The following ATRNL1 variants were observed in gnomAD, a reference collection of about 807,000 sequenced individuals.
ATRNL1 encodes attractin-like protein 1.
Under a neutral mutation model 182.7 loss-of-function variants are expected in ATRNL1, and 95 were observed. The observed-to-expected ratio is 0.52, with a 90% CI of 0.44 to 0.62. The LOEUF is 0.62. Ranked by LOEUF, ATRNL1 falls within the 20% of genes least tolerant of loss-of-function variation. The pLI, the probability that ATRNL1 is intolerant of heterozygous loss-of-function variation, is 0.00. For synonymous variants in ATRNL1, 576 were observed against 568.3 expected (o/e 1.01, Z -0.19); for missense variants, 1,471 against 1,679.5 (o/e 0.88, Z 2.17).
chr10:115,383,007 TAGAG>T (rs782577775), intron 19 of ATRNL1, among the ~76,000 whole-genome samples: 1 of 151,958 alleles, frequency 6.6e-6, no homozygotes, highest in Non-Finnish European at 1.5e-5. Context: ...TTAATAGAAA[TAGAG>T]AGGAAGTTCT....
intron 23 of ATRNL1, 68 bp from the exon 24 acceptor site, chr10:115,469,102 CTA>C: frequency 1.8e-6 from 1 of 543,786 alleles, no homozygotes; most frequent in Non-Finnish European, 2.8e-6. Context: ...TTATAAAAAA[CTA>C]TAATATGCAT....
intron 20 of ATRNL1, among the ~76,000 whole-genome samples, chr10:115,405,117 G>A (rs1477628582): frequency 6.6e-6 from 1 of 152,064 alleles, no homozygotes; most frequent in Non-Finnish European, 1.5e-5. Context: ...GAAAGAGACA[G>A]CACTTTAAGC....
intron 8 of ATRNL1, among the ~76,000 whole-genome samples, chr10:115,203,577 CTTTTT>C (rs34988501): frequency 8.2e-6 from 1 of 122,396 alleles, no homozygotes; most frequent in Admixed American, 8.4e-5. Flanking sequence ...ATTGGGCCAC[CTTTTT>C]TTTTTTTTTT....
chr10:115,133,426 C>T (rs1286130669), intron 5 of ATRNL1, among the ~76,000 whole-genome samples: 3 of 151,976 alleles, frequency 2.0e-5, no homozygotes, highest in Non-Finnish European at 1.5e-5. Context: ...GACTTTAAAC[C>T]AACAAACATC....
chr10:115,371,169 A>G (rs1471452347), intron 19 of ATRNL1, among the ~76,000 whole-genome samples: 1 of 152,194 alleles, frequency 6.6e-6, no homozygotes, highest in African/African-American at 2.4e-5. Context: ...TCCAGGCAGA[A>G]GTTCACTTCA....
chr10:115,882,048 C>A (rs1422636794), intron 28 of ATRNL1, among the ~76,000 whole-genome samples: 1 of 152,160 alleles, frequency 6.6e-6, no homozygotes, highest in Non-Finnish European at 1.5e-5. Flanking sequence ...TACTTATTTC[C>A]CCAGCCTTGG....
chr10:115,380,967 G>A (rs1168164128), intron 19 of ATRNL1, among the ~76,000 whole-genome samples: 2 of 152,114 alleles, frequency 1.3e-5, no homozygotes, highest in African/African-American at 4.8e-5. Context: ...CTACCAAATT[G>A]TTTCCAAGAA....
chr10:115,379,568 G>A (rs1554950496), intron 19 of ATRNL1, among the ~76,000 whole-genome samples: 2 of 152,122 alleles, frequency 1.3e-5, no homozygotes, highest in African/African-American at 4.8e-5. Context: ...GTGTAACTCT[G>A]AATATGACAG....
intron 25 of ATRNL1, among the ~76,000 whole-genome samples, chr10:115,525,990 C>A (rs557720840): frequency 1.0e-3 from 156 of 152,230 alleles, no homozygotes; most frequent in Non-Finnish European, 1.9e-3. Context: ...TTTAATCCCC[C>A]TAATCAGTCT....
chr10:115,452,992 G>T (rs1241722500), intron 21 of ATRNL1, among the ~76,000 whole-genome samples: 4 of 152,018 alleles, frequency 2.6e-5, no homozygotes, highest in African/African-American at 9.7e-5. Flanking sequence ...ATGTTCTCCA[G>T]GTCTATCTAT....
intron 7 of ATRNL1, 47 bp from the exon 8 acceptor site, chr10:115,170,990 A>G (rs1554885369): frequency 8.7e-7 from 1 of 1,148,546 alleles, no homozygotes; most frequent in South Asian, 2.4e-5. Flanking sequence ...ATATGTGTTA[A>G]GATATAACAT....
At chr10:115,424,482 T>C (rs1014880999) in intron 20 of ATRNL1, among the ~76,000 whole-genome samples, 5 of 152,100 alleles carry the variant, frequency 3.3e-5, no homozygotes, top group Non-Finnish European at 7.4e-5. Flanking sequence ...ATCTGTACTC[T>C]TACTTTTATT....
intron 28 of ATRNL1, among the ~76,000 whole-genome samples, chr10:115,879,050 C>G (rs1189991574): frequency 9.6e-6 from 1 of 104,272 alleles, no homozygotes; most frequent in Admixed American, 1.1e-4. Context: ...CATTCACATA[C>G]TCATTTAAAT....
chr10:115,917,486 G>GGA (rs1555117664), intron 28 of ATRNL1, among the ~76,000 whole-genome samples: 8 of 131,304 alleles, frequency 6.1e-5, no homozygotes, highest in African/African-American at 2.2e-4. Flanking sequence ...AAAAAAAAAA[G>GGA]AAAAAAAAAA....
At chr10:115,759,897 G>C (rs1229361195) in intron 27 of ATRNL1, among the ~76,000 whole-genome samples, 3 of 107,144 alleles carry the variant, frequency 2.8e-5, no homozygotes, top group African/African-American at 1.1e-4. Context: ...GTTTCACCAT[G>C]TTGGCAGACT....
chr10:115,121,428 A>G (rs1433451649), intron 2 of ATRNL1, among the ~76,000 whole-genome samples: 1 of 152,148 alleles, frequency 6.6e-6, no homozygotes, highest in African/African-American at 2.4e-5. Context: ...TTTATTGACT[A>G]CATTTTTAGA....
intron 25 of ATRNL1, among the ~76,000 whole-genome samples, chr10:115,547,278 AT>A (rs200926060): frequency 0.041 from 6,036 of 148,580 alleles, 365 homozygotes; most frequent in African/African-American, 0.14. Flanking sequence ...ATATATATAT[AT>A]ATAAATATAT....
At chr10:115,661,275 T>A (rs1362921586) in intron 26 of ATRNL1, among the ~76,000 whole-genome samples, 1 of 152,132 alleles carries the variant, frequency 6.6e-6, no homozygotes, top group Non-Finnish European at 1.5e-5. Context: ...CCTTTAGGTA[T>A]TTTATGCATA....
intron 26 of ATRNL1, among the ~76,000 whole-genome samples, chr10:115,676,660 T>G (rs1424529344): frequency 1.3e-5 from 2 of 151,948 alleles, no homozygotes; most frequent in East Asian, 3.9e-4. Context: ...ATCTAATGTC[T>G]AATTTATGCT....
Sources: gnomAD v4.1 joint callset for allele counts (sites outside exome capture counted in the v4.1 genomes callset) on GRCh38, gnomAD v4.1.1 for gene constraint, MANE v1.5 for transcripts, NCBI Gene and HGNC (gene_info 2026-07-23, HGNC 2026-07-21) for gene names.